Variants in OPCML observed in about 807,000 individuals in gnomAD.
OPCML encodes the protein opioid binding protein/cell adhesion molecule like.
Under a neutral mutation model 37.8 loss-of-function variants are expected in OPCML, and 13 were observed. That is an observed-to-expected ratio of 0.34 (90% CI 0.22 to 0.55). The LOEUF (loss-of-function observed/expected upper bound fraction) is 0.55, where lower values mean the gene tolerates loss of function less well. Among genes scored for constraint, OPCML ranks in the 20% least tolerant of loss-of-function variants. The pLI, the probability that OPCML is intolerant of heterozygous loss-of-function variation, is 0.91. For synonymous variants in OPCML, 176 were observed against 168.8 expected (o/e 1.04, Z -0.33); for missense variants, 341 against 435.6 (o/e 0.78, Z 1.93).
At chr11:132,781,850 A>C (rs1304735990) in intron 2 of OPCML, among the ~76,000 whole-genome samples, 1 of 150,902 alleles carries the variant, frequency 6.6e-6, no homozygotes, top group Non-Finnish European at 1.5e-5. Context: ...ACCCTCAGAG[A>C]CCAGACATAC....
At chr11:133,304,355 G>A (rs1256223234) in intron 1 of OPCML, among the ~76,000 whole-genome samples, 1 of 152,154 alleles carries the variant, frequency 6.6e-6, no homozygotes, top group African/African-American at 2.4e-5. Flanking sequence ...AAATACAAAA[G>A]ACCTGACAGG....
At chr11:132,552,422 T>C (rs1403738767) in intron 3 of OPCML, among the ~76,000 whole-genome samples, 1 of 152,214 alleles carries the variant, frequency 6.6e-6, no homozygotes, top group Non-Finnish European at 1.5e-5. Context: ...CCCATATTTA[T>C]CTGTAGGTTG....
At chr11:133,412,765 C>T (rs1268252926) in intron 1 of OPCML, among the ~76,000 whole-genome samples, 2 of 152,134 alleles carry the variant, frequency 1.3e-5, no homozygotes, top group East Asian at 1.9e-4. Flanking sequence ...AATCAAGTAG[C>T]CAAGAAAGTG....
intron 4 of OPCML, among the ~76,000 whole-genome samples, chr11:132,460,926 T>C (rs2096099379): frequency 6.6e-6 from 1 of 152,224 alleles, no homozygotes; most frequent in African/African-American, 2.4e-5. Context: ...GTGGACTAGC[T>C]CATTTCATAT....
At chr11:133,522,271 T>A (rs1948411130) in intron 1 of OPCML, among the ~76,000 whole-genome samples, 1 of 151,768 alleles carries the variant, frequency 6.6e-6, no homozygotes, top group South Asian at 2.1e-4. Context: ...TAAAAATAGA[T>A]GTTTTGATAG....
intron 3 of OPCML, among the ~76,000 whole-genome samples, chr11:132,556,173 G>A (rs1389550745): frequency 1.3e-5 from 2 of 152,094 alleles, no homozygotes; most frequent in African/African-American, 4.8e-5. Flanking sequence ...AAACTTCTGG[G>A]CTCAAGCAAT....
chr11:133,021,343 CAA>C, intron 1 of OPCML, among the ~76,000 whole-genome samples: 1 of 152,272 alleles, frequency 6.6e-6, no homozygotes, highest in African/African-American at 2.4e-5. Context: ...CAGCCCACCT[CAA>C]ACGTCAAGTG....
intron 1 of OPCML, among the ~76,000 whole-genome samples, chr11:133,248,771 A>G (rs1183527002): frequency 6.6e-6 from 1 of 152,216 alleles, no homozygotes; most frequent in East Asian, 1.9e-4. Context: ...GTGGGAGAGC[A>G]TGGGCCACAG....
At chr11:133,307,349 T>C (rs1241542238) in intron 1 of OPCML, among the ~76,000 whole-genome samples, 1 of 152,146 alleles carries the variant, frequency 6.6e-6, no homozygotes, top group East Asian at 1.9e-4. Context: ...TGGTCATGCA[T>C]ATGGCCAAAA....
intron 3 of OPCML, among the ~76,000 whole-genome samples, chr11:132,538,319 T>C (rs1170963312): frequency 6.6e-6 from 1 of 152,198 alleles, no homozygotes; most frequent in East Asian, 1.9e-4. Context: ...GACCACATAT[T>C]GTATGATTCC....
At chr11:132,542,064 T>C (rs980286777) in intron 3 of OPCML, among the ~76,000 whole-genome samples, 1 of 152,214 alleles carries the variant, frequency 6.6e-6, no homozygotes, top group Non-Finnish European at 1.5e-5. Flanking sequence ...TTAGTGATCC[T>C]TGGTTACAGA....
chr11:132,845,945 C>T (rs1023350331), intron 2 of OPCML, among the ~76,000 whole-genome samples: 2 of 152,172 alleles, frequency 1.3e-5, no homozygotes, highest in South Asian at 2.1e-4. Flanking sequence ...AGCAGAGCCA[C>T]CTGTCCCCAG....
At chr11:133,236,230 T>A (rs1351038398) in intron 1 of OPCML, among the ~76,000 whole-genome samples, 1 of 152,128 alleles carries the variant, frequency 6.6e-6, no homozygotes, top group Admixed American at 6.5e-5. Context: ...AGGCAGCTGC[T>A]AATTGACACC....
chr11:133,160,288 A>C (rs1950124148), intron 1 of OPCML, among the ~76,000 whole-genome samples: 1 of 152,232 alleles, frequency 6.6e-6, no homozygotes, highest in African/African-American at 2.4e-5. Context: ...GGGGAGGATC[A>C]GAAGAAATAG....
At chr11:132,484,031 C>A (rs1219364105) in intron 4 of OPCML, among the ~76,000 whole-genome samples, 1 of 152,020 alleles carries the variant, frequency 6.6e-6, no homozygotes, top group African/African-American at 2.4e-5. Context: ...TCTAAAACAC[C>A]AAAAGCAATG....
intron 1 of OPCML, among the ~76,000 whole-genome samples, chr11:133,121,275 A>T (rs949952033): frequency 1.4e-4 from 22 of 152,172 alleles, no homozygotes; most frequent in Non-Finnish European, 2.8e-4. Flanking sequence ...ATTTCAATTA[A>T]TCTATAACTG....
chr11:132,630,619 G>A (rs1338423986), intron 3 of OPCML, among the ~76,000 whole-genome samples: 1 of 151,958 alleles, frequency 6.6e-6, no homozygotes, highest in Non-Finnish European at 1.5e-5. Context: ...AAAAAGACTG[G>A]CAACACCAAG....
intron 2 of OPCML, among the ~76,000 whole-genome samples, chr11:132,726,755 T>A (rs1224027384): frequency 1.3e-5 from 2 of 152,062 alleles, no homozygotes; most frequent in Non-Finnish European, 1.5e-5. Context: ...GGATGGGGAT[T>A]TATCTGCGTT....
chr11:132,507,109 T>TA (rs5795785), intron 4 of OPCML, among the ~76,000 whole-genome samples: 57,164 of 144,510 alleles, frequency 0.4, 11,419 homozygotes, highest in East Asian at 0.73. Flanking sequence ...CATTAAATTG[T>TA]AAAAAAAAAA....
Sources: gnomAD v4.1 joint callset for allele counts (sites outside exome capture counted in the v4.1 genomes callset) on GRCh38, gnomAD v4.1.1 for gene constraint, MANE v1.5 for transcripts, NCBI Gene and HGNC (gene_info 2026-07-23, HGNC 2026-07-21) for gene names.